Variants in ARID1B observed in about 807,000 individuals in gnomAD.
ARID1B encodes the protein AT-rich interaction domain 1B.
In ARID1B, 30 loss-of-function variants were observed where a neutral mutation model predicts 212.3. The ratio of observed to expected loss-of-function variants is 0.14; its 90% confidence interval spans 0.11 to 0.19. The LOEUF is 0.19. Among genes scored for constraint, ARID1B ranks in the 10% least tolerant of loss-of-function variants. ARID1B has a pLI of 1.00. For synonymous variants in ARID1B, 1,402 were observed against 1,301.7 expected (o/e 1.08, Z -1.66); for missense variants, 2,891 against 3,204.0 (o/e 0.90, Z 2.36).
chr6:157,009,274 G>C (rs1314329121), intron 4 of ARID1B, among the ~76,000 whole-genome samples: 1 of 152,204 alleles, frequency 6.6e-6, no homozygotes, highest in Non-Finnish European at 1.5e-5. Flanking sequence ...GGAAAGTGAG[G>C]CTTCAAGGTG....
Position 157,207,890 on chromosome 6 carries a change from G to C in ARID1B, c.7118G>C (p.Ter2373SerextTer3). ...CDVLFQIGQL[*>S] Reference sequence around the variant, plus strand: ...GTACTGTTTCAGATTGGGCAGTTATGACATAAGTGAGAAGGCAAGCATGTG... The same window carrying C: ...GTACTGTTTCAGATTGGGCAGTTATCACATAAGTGAGAAGGCAAGCATGTG... Residue 2373 changes from the stop codon to serine, a stop_lost, in exon 20 of 20, where the codon TGA becomes TCA. Transcript: ENST00000636930. This position sits in a 1 kb window ranked among gnomAD's most constrained non-coding sequence, Gnocchi z 8.5. 6.7e-7 allele frequency: 1 copy of C among 1,485,892 alleles called. No homozygotes were observed. Among genetic ancestry groups the C allele is most frequent in the Non-Finnish European group, 9.0e-7 (1 of 1,115,120 alleles). 92.0% of individuals were successfully genotyped at this position (1,485,892 alleles called of 1,614,324 possible).
intron 4 of ARID1B, among the ~76,000 whole-genome samples, chr6:156,963,394 G>A (rs1055198697): frequency 2.0e-5 from 3 of 152,056 alleles, no homozygotes; most frequent in African/African-American, 7.2e-5. Context: ...ATTTCTTTTA[G>A]AAGAACAGTC....
intron 1 of ARID1B, among the ~76,000 whole-genome samples, chr6:156,808,016 C>T (rs972505364): frequency 1.3e-5 from 2 of 152,186 alleles, no homozygotes; most frequent in Admixed American, 6.5e-5. Flanking sequence ...TCCATAACAT[C>T]TTACCATGAG....
rs141738728 is a variant in ARID1B at position 157,206,688 on chromosome 6, C to A, written c.5916C>A (p.Pro1972=). The A allele has an allele frequency of 5.6e-6, 9 of 1,612,768 alleles. No homozygotes were observed. In the African/African-American group the frequency reaches 9.4e-5, roughly 17 times the overall value. The part of the protein sequence containing the change: ...EIPPRRRPPP[P]LSSAGRKKEQ... The stretch of plus-strand genomic sequence containing the variant: ...CTCCTCGCAGGCGCCCACCTCCCCC[C>A]TTAAGCTCCGCAGGTAGAAAGAAAG... Residue 1972 remains proline, a synonymous_variant, in exon 20 of 20, where the codon CCC becomes CCA. Transcript: ENST00000636930. The surrounding 1 kb of genome is among the most constrained non-coding windows in gnomAD (Gnocchi z 6.8).
rs1217952164 is a variant in ARID1B, at chr6:156,779,485, C to T, written c.1791+14C>T. ...GGCAGATCCCAGGTAACCCTCGCGC[C>T]AGCCGGGCCTGCTTCCGCCCGGCGG... On this transcript the variant is annotated intron_variant, in intron 1 of 19. Coordinates refer to ENST00000636930, the MANE Select transcript of ARID1B (RefSeq NM_001374828.1). 1 of 1,354,538 alleles carries T rather than the reference C, an allele frequency of 7.4e-7. No individual in the cohort carries two copies. The highest frequency in any genetic ancestry group is 9.5e-7 in the Non-Finnish European group (1 of 1,050,046). The allele number at this position is 1,354,538 out of a possible 1,614,324, so 83.9% of individuals were successfully genotyped here. A position where few individuals can be genotyped will look rare whatever the true frequency, so the allele number is the denominator to read the frequency against.
chr6:156,954,624 T>A (rs758138926), intron 4 of ARID1B, among the ~76,000 whole-genome samples: 1 of 152,218 alleles, frequency 6.6e-6, no homozygotes, highest in Non-Finnish European at 1.5e-5. Flanking sequence ...ATTTAAATTG[T>A]TTAGGAAGTT....
At chr6:157,124,726 T>C (rs1159773993) in intron 6 of ARID1B, among the ~76,000 whole-genome samples, 3 of 152,172 alleles carry the variant, frequency 2.0e-5, no homozygotes, top group Admixed American at 6.5e-5. Flanking sequence ...TGTAAGTATG[T>C]AAACATATGC....
intron 2 of ARID1B, among the ~76,000 whole-genome samples, chr6:156,883,084 A>T (rs1175362288): frequency 6.6e-6 from 1 of 152,338 alleles, no homozygotes; most frequent in South Asian, 2.1e-4. Flanking sequence ...TGGGAGTTAT[A>T]GTCAAGGAGT....
intron 19 of ARID1B, chr6:157,204,716 C>T (rs1320296488): frequency 6.6e-6 from 1 of 152,134 alleles, no homozygotes; most frequent in African/African-American, 2.4e-5. Flanking sequence ...AAGAGAGGAG[C>T]ACTGAAGTTT....
intron 4 of ARID1B, among the ~76,000 whole-genome samples, chr6:157,039,318 ATTTCT>A (rs1190145248): frequency 1.3e-3 from 143 of 112,822 alleles, no homozygotes; most frequent in South Asian, 5.9e-3. Context: ...GAAATTTGAC[ATTTCT>A]TTTTTTTTTT....
At chr6:156,845,018 A>G (rs1379812558) in intron 2 of ARID1B, among the ~76,000 whole-genome samples, 1 of 152,136 alleles carries the variant, frequency 6.6e-6, no homozygotes, top group African/African-American at 2.4e-5. Context: ...GATGACCATC[A>G]TCTTTTGAAT....
At chr6:156,967,669 T>C (rs1286733638) in intron 4 of ARID1B, among the ~76,000 whole-genome samples, 8 of 152,240 alleles carry the variant, frequency 5.3e-5, no homozygotes, top group Non-Finnish European at 1.0e-4. Flanking sequence ...ATATATTATA[T>C]TCATTGTTAT....
upstream of ARID1B, chr6:156,777,215 C>CA (rs1778673637): frequency 6.6e-6 from 1 of 151,090 alleles, no homozygotes; most frequent in African/African-American, 2.4e-5. Flanking sequence ...GCCCCGGCCC[C>CA]GGCCCCGGCC....
Position 156,778,862 on chromosome 6 carries a change from CGGCGGCGGCGGA to C in ARID1B, c.1185_1196del (p.Gly399_Gly402del), listed in dbSNP as rs1331573920. Reference sequence around the variant, plus strand: ...GGCCCGGCGCGGGCGGCGGCGGCGGCGGCGGCGGCGGAGGAGGAGGAGGCAGCGGAGGAGGAG... The same window carrying C: ...GGCCCGGCGCGGGCGGCGGCGGCGGCGGAGGAGGAGGCAGCGGAGGAGGAG... On this transcript the variant is annotated inframe_deletion, in exon 1 of 20. Transcript: ENST00000636930. The C allele has an allele frequency of 1.4e-6, 2 of 1,398,920 alleles. No homozygotes were observed. Among genetic ancestry groups the C allele is most frequent in the Non-Finnish European group, 9.3e-7 (1 of 1,073,622 alleles). 86.7% of individuals were successfully genotyped at this position (1,398,920 alleles called of 1,614,324 possible).
chr6:156,885,808 T>G (rs1467806766), intron 2 of ARID1B, among the ~76,000 whole-genome samples: 2 of 152,204 alleles, frequency 1.3e-5, no homozygotes, highest in African/African-American at 4.8e-5. Flanking sequence ...TAAGTTAAGA[T>G]TATGTGCTAA....
chr6:157,134,921 T>C (rs1221717767), intron 7 of ARID1B, among the ~76,000 whole-genome samples: 2 of 152,136 alleles, frequency 1.3e-5, no homozygotes, highest in Non-Finnish European at 2.9e-5. Flanking sequence ...TCCTGGACTC[T>C]GAAATTTGTC....
At chr6:156,984,374 A>G (rs1777797352) in intron 4 of ARID1B, among the ~76,000 whole-genome samples, 1 of 152,096 alleles carries the variant, frequency 6.6e-6, no homozygotes, top group Admixed American at 6.5e-5. Context: ...CTTCTGCCCC[A>G]CAGTGCTCTT....
rs114478002 is a variant in ARID1B at position 156,886,397 on chromosome 6, A to C, written c.1987-14979A>C. Among the ~76,000 whole-genome samples the C allele has an allele frequency of 4.6e-3, 697 of 152,226 alleles. 10 individuals carry two copies. The highest frequency in any genetic ancestry group is 0.016 in the African/African-American group (656 of 41,532). The stretch of plus-strand genomic sequence containing the variant: ...TTAAAACTTAAAGAAATGTGTGTGC[A>C]TTTCTCATTTACAGGCTTCCTTCCT... On this transcript the variant is annotated intron_variant, in intron 2 of 19. Transcript: ENST00000636930.
In ARID1B at chr6:157,208,308, A is replaced by G. The variant is rs544504579; in HGVS notation, c.*417A>G. On this transcript the variant is annotated 3_prime_UTR_variant, in exon 20 of 20. Transcript: ENST00000636930. ...TCACCACACTGAGTCAAAAAGGTGA[A>G]AAATTATCCATTTCCTATGCGTTTT... 1 of 235,598 alleles carries G rather than the reference A, an allele frequency of 4.2e-6. No homozygotes were observed. The highest frequency in any genetic ancestry group is 2.2e-5 in the African/African-American group (1 of 45,552). The allele number at this position is 235,598 out of a possible 1,614,324, so 14.6% of individuals were successfully genotyped here.
Sources: gnomAD v4.1 joint callset for allele counts (sites outside exome capture counted in the v4.1 genomes callset) on GRCh38, gnomAD v4.1.1 for gene constraint, Gnocchi (gnomAD v3.1) non-coding constraint, MANE v1.5 for transcripts, NCBI Gene and HGNC (gene_info 2026-07-23, HGNC 2026-07-21) for gene names.